Variants in AHCY observed in about 807,000 individuals in gnomAD.
AHCY encodes the protein S-adenosyl-L-homocysteine hydrolase.
AHCY carries 24 observed loss-of-function variants against 45.4 expected under a neutral mutation model. That is an observed-to-expected ratio of 0.53 (90% CI 0.38 to 0.74). AHCY has a LOEUF of 0.74. Ranked by LOEUF, AHCY falls within the 30% of genes least tolerant of loss-of-function variation. The probability of loss-of-function intolerance (pLI) is 0.00; values close to 1 mark genes in which losing one functional copy is unlikely to be tolerated. For synonymous variants in AHCY, 245 were observed against 235.1 expected (o/e 1.04, Z -0.39); for missense variants, 449 against 594.1 (o/e 0.76, Z 2.54).
intron 9 of AHCY, chr20:34,281,622 G>C: frequency 8.3e-6 from 2 of 239,882 alleles, no homozygotes; most frequent in South Asian, 5.6e-5. Context: ...CAGAAGGACA[G>C]AGCCATGATG....
At chr20:34,246,314 T>C in the AHCY span, 2 of 1,550,328 alleles carry the variant, frequency 1.3e-6, no homozygotes, top group Non-Finnish European at 1.7e-6. Flanking sequence ...AATTCCAGCT[T>C]CTTGTTTGGG....
At chr20:34,233,548 C>G in the AHCY span, among the ~76,000 whole-genome samples, 1 of 152,184 alleles carries the variant, frequency 6.6e-6, no homozygotes, top group Admixed American at 6.5e-5. Flanking sequence ...AAACTAAAAA[C>G]CTTCCAAAGG....
chr20:34,280,845 C>CT lies in AHCY; in HGVS notation c.*188dup, dbSNP rs1568782098. 1.2e-5 allele frequency: 10 copies of CT among 840,980 alleles called. No homozygotes were observed. Among genetic ancestry groups the CT allele is most frequent in the Admixed American group, 2.3e-5 (1 of 43,620 alleles). 52.1% of individuals were successfully genotyped at this position (840,980 alleles called of 1,614,324 possible). ...ATGACCGGGGCTTGAAGAGGGTACT[C>CT]TGTTCCCGCTGCCACATTTGGAACA... On this transcript the variant is annotated 3_prime_UTR_variant, in exon 10 of 10. Transcript: ENST00000217426.
the AHCY span, among the ~76,000 whole-genome samples, chr20:34,252,801 C>T: frequency 6.6e-6 from 1 of 152,318 alleles, no homozygotes; most frequent in South Asian, 2.1e-4. Context: ...CTTTCTTGGG[C>T]AGAGGTCCCT....
rs373357374 is a variant in AHCY, at chr20:34,290,378, T to C, written c.926A>G (p.Lys309Arg). ...IGHFDVEIDV[K>R]WLNENAVEKV... Reference sequence around the variant, plus strand: ...CTCCACGGCGTTCTCGTTGAGCCACTTGACATCGATCTCCACGTCAAAGTG... The same window carrying C: ...CTCCACGGCGTTCTCGTTGAGCCACCTGACATCGATCTCCACGTCAAAGTG... The change falls in exon 8 of 10, where the codon AAG (lysine) becomes AGG (arginine). Residue 309 changes from lysine to arginine, a missense_variant. Transcript: ENST00000217426. This position sits in a 1 kb window ranked among gnomAD's most constrained non-coding sequence, Gnocchi z 4.5. The C allele has an allele frequency of 9.9e-6, 16 of 1,614,154 alleles. No homozygotes were observed. The highest frequency in any genetic ancestry group is 3.3e-5 in the South Asian group (3 of 91,082).
chr20:34,291,373 G>A (rs1190921798), intron 5 of AHCY, 46 bp downstream of exon 5: 5 of 1,539,598 alleles, frequency 3.2e-6, no homozygotes, highest in Non-Finnish European at 3.6e-6. Context: ...GCCTCGTCCT[G>A]AGCTGCAGCC....
At chr20:34,256,728 C>T in the AHCY span, among the ~76,000 whole-genome samples, 2 of 152,208 alleles carry the variant, frequency 1.3e-5, no homozygotes, top group Non-Finnish European at 2.9e-5. Context: ...ACTACACGTA[C>T]CGCCTCCTAA....
chr20:34,240,327 G>A, the AHCY span, among the ~76,000 whole-genome samples: 1 of 152,160 alleles, frequency 6.6e-6, no homozygotes, highest in Admixed American at 6.5e-5. Flanking sequence ...AGCAGGTGCT[G>A]TGCCCCAAGT....
the AHCY span, among the ~76,000 whole-genome samples, chr20:34,233,803 G>C: frequency 5.9e-5 from 9 of 152,276 alleles, no homozygotes; most frequent in East Asian, 1.9e-4. Context: ...TGGCTGATCA[G>C]ACTAGAACAG....
chr20:34,297,353 G>A (rs555292262), intron 1 of AHCY, among the ~76,000 whole-genome samples: 4 of 151,874 alleles, frequency 2.6e-5, no homozygotes, highest in East Asian at 1.9e-4. Flanking sequence ...GTGCAGTGGC[G>A]CGATCTCGGC....
Position 34,292,440 on chromosome 20 carries a change from C to G in AHCY, c.363G>C (p.Lys121Asn). ...LWCIEQTLYF[K>N]DGPLNMILDD... Reference sequence around the variant, plus strand: ...CCAGAATCATGTTGAGGGGCCCGTCCTTGAAGTACAGGGTCTGCTCAATGC... The same window carrying G: ...CCAGAATCATGTTGAGGGGCCCGTCGTTGAAGTACAGGGTCTGCTCAATGC... The change falls in exon 4 of 10, where the codon AAG becomes AAC. Residue 121 changes from lysine (K) to asparagine (N), a missense_variant. By Grantham distance (94) the Lys-to-Asn change is moderately conservative (BLOSUM62 0). Transcript: ENST00000217426. 6.2e-7 allele frequency: 1 copy of G among 1,614,088 alleles called. No individual in the cohort carries two copies. Among genetic ancestry groups the G allele is most frequent in the Non-Finnish European group, 8.5e-7 (1 of 1,180,044 alleles).
chr20:34,275,940 C>T (rs1333127235), downstream of AHCY, among the ~76,000 whole-genome samples: 2 of 151,978 alleles, frequency 1.3e-5, no homozygotes, highest in Non-Finnish European at 1.5e-5. Flanking sequence ...ATCTGCCCAC[C>T]TTGGCCTCCC....
the AHCY span, chr20:34,246,216 T>C: frequency 1.4e-6 from 2 of 1,468,222 alleles, no homozygotes; most frequent in African/African-American, 1.4e-5. Flanking sequence ...TGTGGTATGG[T>C]CTTCTTTTTT....
chr20:34,238,798 A>G, the AHCY span, among the ~76,000 whole-genome samples: 1 of 151,868 alleles, frequency 6.6e-6, no homozygotes, highest in Non-Finnish European at 1.5e-5. Flanking sequence ...CCCTTTCCTC[A>G]GGGTTTACTT....
intron 1 of AHCY, chr20:34,302,114 C>T: frequency 2.3e-6 from 1 of 431,416 alleles, no homozygotes; most frequent in Non-Finnish European, 3.1e-6. Context: ...AGTCCTCCTG[C>T]CTCAGCCTCC....
At chr20:34,257,069 TC>T in the AHCY span, among the ~76,000 whole-genome samples, 45 of 107,926 alleles carry the variant, frequency 4.2e-4, no homozygotes, top group South Asian at 5.1e-4. Context: ...TCTTTCTTTC[TC>T]TTTTTTTTTT....
At chr20:34,252,522 A>T in the AHCY span, among the ~76,000 whole-genome samples, 1 of 152,214 alleles carries the variant, frequency 6.6e-6, no homozygotes, top group Admixed American at 6.5e-5. Flanking sequence ...CCCTCTAGCC[A>T]CAGGGCGGTT....
chr20:34,233,522 G>T, the AHCY span, among the ~76,000 whole-genome samples: 5 of 152,258 alleles, frequency 3.3e-5, no homozygotes, highest in South Asian at 1.0e-3. Flanking sequence ...TAGGATGGTT[G>T]CACAACTCTG....
At chr20:34,259,354 A>T in the AHCY span, among the ~76,000 whole-genome samples, 1 of 151,938 alleles carries the variant, frequency 6.6e-6, no homozygotes, top group Non-Finnish European at 1.5e-5. Flanking sequence ...CTTTACTAAA[A>T]ATACAAAAAT....
Sources: allele counts gnomAD v4.1 joint callset (sites outside exome capture counted in the v4.1 genomes callset), GRCh38; gene constraint gnomAD v4.1.1; non-coding constraint Gnocchi (gnomAD v3.1); transcripts MANE v1.5; gene names NCBI Gene and HGNC (gene_info 2026-07-23, HGNC 2026-07-21).